Variants in SETBP1 observed in about 807,000 individuals in gnomAD.
SETBP1 encodes the protein SET binding protein 1.
A neutral mutation model predicts 101.0 loss-of-function variants in SETBP1; 9 were observed. The ratio of observed to expected loss-of-function variants is 0.09; its 90% CI spans 0.05 to 0.16. The LOEUF (loss-of-function observed/expected upper bound fraction) is 0.16. Among genes scored for constraint, SETBP1 ranks in the 10% least tolerant of loss-of-function variants. The pLI is 1.00. For synonymous variants in SETBP1, 818 were observed against 788.5 expected (o/e 1.04, Z -0.63); for missense variants, 1,858 against 2,033.8 (o/e 0.91, Z 1.66).
At chr18:44,993,201 A>G (rs1292177987) in intron 4 of SETBP1, among the ~76,000 whole-genome samples, 2 of 152,078 alleles carry the variant, frequency 1.3e-5, no homozygotes, top group Non-Finnish European at 2.9e-5. Context: ...GTAGGCACCA[A>G]ACCTAACAAT....
At position 45,066,561 on chromosome 18, in the gene SETBP1, T is replaced by C. The variant is rs564260224; in HGVS notation, c.*2863T>C. The C allele has an allele frequency of 6.6e-6, 1 of 152,224 alleles. No homozygotes were observed. The highest frequency in any genetic ancestry group is 2.1e-4 in the South Asian group (1 of 4,804). The allele number at this position is 152,224 out of a possible 1,614,324, so 9.4% of individuals were successfully genotyped here. A position where few individuals can be genotyped will look rare whatever the true frequency, so the allele number is the denominator to read the frequency against. ...CACCTGTCCAAACTCAGCTCAGCCG[T>C]GGGCCAATGCAGCTTACAGACGGTT... On this transcript the variant is annotated 3_prime_UTR_variant, in exon 6 of 6. Coordinates refer to ENST00000649279, the MANE Select transcript of SETBP1 (RefSeq NM_015559.3).
intron 4 of SETBP1, among the ~76,000 whole-genome samples, chr18:45,035,854 T>C (rs1258905984): frequency 6.6e-6 from 1 of 152,154 alleles, no homozygotes; most frequent in Non-Finnish European, 1.5e-5. Flanking sequence ...AATGGGAAAT[T>C]TTCATCAGAC....
chr18:44,871,061 C>G (rs1449727536), intron 3 of SETBP1: 3 of 152,162 alleles, frequency 2.0e-5, no homozygotes, highest in Non-Finnish European at 4.4e-5. Flanking sequence ...TCTGTTCAGC[C>G]CTTCCATGTT....
At chr18:44,703,220 A>G (rs1043842442) in intron 2 of SETBP1, among the ~76,000 whole-genome samples, 1 of 151,176 alleles carries the variant, frequency 6.6e-6, no homozygotes, top group Non-Finnish European at 1.5e-5. Flanking sequence ...AATCTTTGTC[A>G]CTCTCTCCCT....
chr18:44,765,679 A>G (rs983726752), intron 2 of SETBP1, among the ~76,000 whole-genome samples: 1 of 152,210 alleles, frequency 6.6e-6, no homozygotes, highest in Non-Finnish European at 1.5e-5. Flanking sequence ...TTAAGCAGTA[A>G]TAGCTGTGAG....
At chr18:45,032,139 A>G (rs1248418722) in intron 4 of SETBP1, among the ~76,000 whole-genome samples, 1 of 152,146 alleles carries the variant, frequency 6.6e-6, no homozygotes, top group Non-Finnish European at 1.5e-5. Flanking sequence ...AAAGGACTCA[A>G]GTTCCTGAGG....
At chr18:44,737,718 C>T (rs1368456066) in intron 2 of SETBP1, among the ~76,000 whole-genome samples, 2 of 152,130 alleles carry the variant, frequency 1.3e-5, no homozygotes, top group Non-Finnish European at 2.9e-5. Context: ...GAATGAGTTG[C>T]CTTTGTAGGC....
chr18:44,778,000 T>A (rs750313274), intron 2 of SETBP1, among the ~76,000 whole-genome samples: 26 of 152,214 alleles, frequency 1.7e-4, no homozygotes, highest in Non-Finnish European at 3.5e-4. Flanking sequence ...ACAGATTCCC[T>A]GGGGCATGAA....
intron 3 of SETBP1, among the ~76,000 whole-genome samples, chr18:44,905,751 G>T (rs1440540841): frequency 6.6e-6 from 1 of 152,222 alleles, no homozygotes; most frequent in African/African-American, 2.4e-5. Flanking sequence ...AGAAGTGACT[G>T]TGTCACAGCA....
intron 2 of SETBP1, among the ~76,000 whole-genome samples, chr18:44,809,640 T>A (rs1442618614): frequency 6.6e-6 from 1 of 152,166 alleles, no homozygotes; most frequent in Non-Finnish European, 1.5e-5. Flanking sequence ...GTACAGATGA[T>A]GTTGTTCTTT....
chr18:44,847,312 G>A (rs2072744368), intron 2 of SETBP1, among the ~76,000 whole-genome samples: 1 of 152,210 alleles, frequency 6.6e-6, no homozygotes, highest in African/African-American at 2.4e-5. Context: ...TCTGCCTAGT[G>A]CCTTACGCAG....
chr18:45,032,578 A>T (rs537500940), intron 4 of SETBP1, among the ~76,000 whole-genome samples: 1 of 152,300 alleles, frequency 6.6e-6, no homozygotes, highest in Non-Finnish European at 1.5e-5. Flanking sequence ...ACTAATGCTG[A>T]TAGGGTCACC....
chr18:45,042,635 T>C (rs2073531999), intron 5 of SETBP1, among the ~76,000 whole-genome samples: 1 of 152,212 alleles, frequency 6.6e-6, no homozygotes, highest in Non-Finnish European at 1.5e-5. Context: ...GGTTTACAAA[T>C]ATGTGTTTTC....
At chr18:44,908,938 C>T (rs1224830723) in intron 3 of SETBP1, among the ~76,000 whole-genome samples, 1 of 152,136 alleles carries the variant, frequency 6.6e-6, no homozygotes, top group African/African-American at 2.4e-5. Flanking sequence ...TCCTCATTTT[C>T]AGAAAAATAT....
At chr18:44,823,920 A>G (rs1010936680) in intron 2 of SETBP1, among the ~76,000 whole-genome samples, 1 of 152,218 alleles carries the variant, frequency 6.6e-6, no homozygotes, top group Non-Finnish European at 1.5e-5. Flanking sequence ...AGAAAACAAT[A>G]GTTGGTGAAT....
chr18:44,780,589 C>A (rs2071107048), intron 2 of SETBP1, among the ~76,000 whole-genome samples: 1 of 152,308 alleles, frequency 6.6e-6, no homozygotes, highest in African/African-American at 2.4e-5. Flanking sequence ...TGCCCATGGA[C>A]ACACCTTCAT....
At chr18:44,789,710 G>C (rs1178550853) in intron 2 of SETBP1, among the ~76,000 whole-genome samples, 1 of 152,190 alleles carries the variant, frequency 6.6e-6, no homozygotes, top group East Asian at 1.9e-4. Flanking sequence ...CCTTATCTAT[G>C]AACGGAGAAG....
At chr18:45,034,177 A>G (rs1405386283) in intron 4 of SETBP1, among the ~76,000 whole-genome samples, 3 of 152,192 alleles carry the variant, frequency 2.0e-5, no homozygotes, top group South Asian at 2.1e-4. Context: ...AGCAACTACT[A>G]CTTCGGAAGA....
chr18:45,001,200 C>T (rs564118433), intron 4 of SETBP1, among the ~76,000 whole-genome samples: 1 of 152,300 alleles, frequency 6.6e-6, no homozygotes, highest in Admixed American at 6.5e-5. Flanking sequence ...CAAGTCTCAG[C>T]TCTTCCACTT....
Sources: gnomAD v4.1 joint callset for allele counts (sites outside exome capture counted in the v4.1 genomes callset) on GRCh38, gnomAD v4.1.1 for gene constraint, MANE v1.5 for transcripts, NCBI Gene and HGNC (gene_info 2026-07-23, HGNC 2026-07-21) for gene names.